The following BCAT2 variants were observed in gnomAD, a reference collection of about 807,000 sequenced individuals.
The protein encoded by BCAT2 is branched chain amino acid transaminase 2, also known as branched-chain-amino-acid aminotransferase, mitochondrial.
A neutral mutation model predicts 52.9 loss-of-function variants in BCAT2; 44 were observed. That is an observed-to-expected ratio of 0.83 (90% CI 0.65 to 1.07). The LOEUF (loss-of-function observed/expected upper bound fraction) is 1.07, where lower values mean the gene tolerates loss of function less well. Among genes scored for constraint, BCAT2 ranks in the 50% least tolerant of loss-of-function variants. BCAT2 has a pLI of 0.00. For missense variants in BCAT2, 478 were observed against 521.8 expected (o/e 0.92, Z 0.82); for synonymous variants, 215 against 217.1 (o/e 0.99, Z 0.08).
intron 3 of BCAT2, among the ~76,000 whole-genome samples, chr19:48,802,261 G>T (rs997168225): frequency 2.6e-5 from 4 of 152,068 alleles, no homozygotes; most frequent in African/African-American, 7.2e-5. Context: ...GTTGTCCAAG[G>T]TATGGAAACA....
At position 48,796,646 on chromosome 19, in the gene BCAT2, G is replaced by T. The variant is rs149621078; in HGVS notation, c.997C>A (p.Arg333=). The T allele has an allele frequency of 1.9e-6, 3 of 1,613,396 alleles. No individual in the cohort carries two copies. The highest frequency in any genetic ancestry group is 4.5e-5 in the East Asian group (2 of 44,864). ...GCGGTGCCCGAGCCAAAGACTTCCCGCACGCGGCCCTCCTCCAGGGCCCGC... is the reference window on the plus strand; with the variant it reads ...GCGGTGCCCGAGCCAAAGACTTCCCTCACGCGGCCCTCCTCCAGGGCCCGC... The part of the protein sequence containing the change: ...LLRALEEGRV[R]EVFGSGTACQ... The change falls in exon 9 of 11, where the codon CGG becomes AGG. Residue 333 remains arginine, a synonymous_variant. Transcript: ENST00000316273.
chr19:48,804,333 C>T (rs532006448), intron 3 of BCAT2, among the ~76,000 whole-genome samples: 1 of 152,106 alleles, frequency 6.6e-6, no homozygotes, highest in East Asian at 1.9e-4. Context: ...CACTTGAGGC[C>T]AGGAGTTCGA....
chr19:48,810,994 G>A lies in BCAT2; in HGVS notation c.14C>T (p.Ala5Val). The A allele has an allele frequency of 2.5e-6, 4 of 1,608,170 alleles. No homozygotes were observed. The highest frequency in any genetic ancestry group is 2.5e-6 in the Non-Finnish European group (3 of 1,178,122). Reference protein sequence around the residue: MAAAALGQIWARKLL... With the variant: MAAAVLGQIWARKLL... The stretch of plus-strand genomic sequence containing the variant: ...GGGCTGCGAACCCACCTGCCCCAGA[G>A]CGGCTGCGGCCATGATCCGTGCGGC... The change falls in exon 1 of 11, where the codon GCT becomes GTT. Residue 5 changes from alanine to valine, a missense_variant. By Grantham distance (64) the Ala-to-Val change is moderately conservative. Transcript: ENST00000316273.
In BCAT2 at chr19:48,810,840, G is replaced by C. The variant is rs1261647598; in HGVS notation, c.24+144C>G. ...AAAGCCTCGTGCTCCTTTCCAAAGG[G>C]CGCCATCCTCCTCCGCGCCCTGCAG... On this transcript the variant is annotated intron_variant, in intron 1 of 10. Transcript: ENST00000316273. 2.0e-6 allele frequency: 3 copies of C among 1,504,834 alleles called. No individual in the cohort carries two copies. The Middle Eastern group carries it at 6.2e-4, about 311-fold the overall frequency. 93.2% of individuals were successfully genotyped at this position (1,504,834 alleles called of 1,614,324 possible).
chr19:48,801,143 A>G (rs57976323), intron 3 of BCAT2, among the ~76,000 whole-genome samples: 3,869 of 150,842 alleles, frequency 0.026, 151 homozygotes, highest in African/African-American at 0.09. Context: ...GCCCACCACC[A>G]CGCCCAGCTA....
Position 48,806,565 on chromosome 19 carries a change from C to T in BCAT2, c.252G>A (p.Gln84=). Residue 84 remains glutamine (Q), a synonymous_variant, in exon 3 of 11, where the codon CAG becomes CAA. Transcript: ENST00000316273. The stretch of plus-strand genomic sequence containing the variant: ...AGGAGGCTGGGTGCAGCGTGAGGTT[C>T]TGGAAGGGCTGGATTCGGGGCTGGC... ...GWGQPRIQPF[Q]NLTLHPASSS... is the part of the protein sequence containing the mutation. 6.2e-7 allele frequency: 1 copy of T among 1,614,132 alleles called. No homozygotes were observed. Among genetic ancestry groups the T allele is most frequent in the Non-Finnish European group, 8.5e-7 (1 of 1,180,008 alleles).
chr19:48,806,487 G>C (rs968538707), intron 3 of BCAT2, 30 bp downstream of exon 3: 7 of 1,611,790 alleles, frequency 4.3e-6, no homozygotes, highest in Non-Finnish European at 5.9e-6. Context: ...TGCAGACAGG[G>C]ACAGGGAGAG....
rs565998426 is a variant in BCAT2, at chr19:48,799,193, C to G, written c.695+482G>C. On this transcript the variant is annotated intron_variant, in intron 6 of 10. Coordinates refer to ENST00000316273, the MANE Select transcript of BCAT2 (RefSeq NM_001190.4). The surrounding 1 kb of genome is among the most constrained non-coding windows in gnomAD (Gnocchi z 5.5). ...GTGCCCACCCTCTGCCTTGGTTGCC[C>G]AGGAGACCCAGCTGTCTCCTTCCTG... The G allele has an allele frequency of 6.5e-6, 1 of 153,964 alleles. No homozygotes were observed. The highest frequency in any genetic ancestry group is 2.4e-5 in the African/African-American group (1 of 41,634). 9.5% of individuals were successfully genotyped at this position (153,964 alleles called of 1,614,324 possible).
chr19:48,797,384 C>T, intron 6 of BCAT2, 51 bp from the exon 7 acceptor site: 1 of 1,604,388 alleles, frequency 6.2e-7, no homozygotes, highest in Non-Finnish European at 8.5e-7. Flanking sequence ...CATCCTTCCC[C>T]AGCCCAGCCC....
rs776259879 is a variant in BCAT2, at chr19:48,796,692, C to T, written c.951G>A (p.Thr317=). Residue 317 remains threonine (T), a synonymous_variant, in exon 9 of 11, where the codon ACG becomes ACA. Coordinates refer to ENST00000316273, the MANE Select transcript of BCAT2 (RefSeq NM_001190.4). Reference sequence around the variant, plus strand: ...CCCGCAGCAACTGCTTCATGGTGATCGTGCGCTCCACCACCCGGAACTCAC... The same window carrying T: ...CCCGCAGCAACTGCTTCATGGTGATTGTGCGCTCCACCACCCGGAACTCAC... ...TWGEFRVVER[T]ITMKQLLRAL... 1.2e-5 allele frequency: 19 copies of T among 1,612,850 alleles called. 1 individual carries two copies. In the South Asian group the frequency reaches 1.8e-4, roughly 15 times the overall value.
At chr19:48,810,574 T>C (rs917390544) in intron 1 of BCAT2, among the ~76,000 whole-genome samples, 9 of 151,730 alleles carry the variant, frequency 5.9e-5, no homozygotes, top group Non-Finnish European at 1.3e-4. Flanking sequence ...AGACTTGAGG[T>C]CCAACTCTGC....
intron 3 of BCAT2, among the ~76,000 whole-genome samples, chr19:48,802,352 A>G (rs1320957340): frequency 6.6e-6 from 1 of 151,200 alleles, no homozygotes; most frequent in African/African-American, 2.4e-5. Flanking sequence ...AAGCATACAT[A>G]TCCTTTGACC....
Position 48,807,970 on chromosome 19 carries a change from C to A in BCAT2, c.25-896G>T, listed in dbSNP as rs185932152. ...ACCTCACAAGGCCTCTTTCCCCAGCCCTGTGGGGAGGCGTTGGGGCGTGAG... is the reference window on the plus strand; with the variant it reads ...ACCTCACAAGGCCTCTTTCCCCAGCACTGTGGGGAGGCGTTGGGGCGTGAG... On this transcript the variant is annotated intron_variant, in intron 1 of 10. Transcript: ENST00000316273. This position sits in a 1 kb window ranked among gnomAD's most constrained non-coding sequence, Gnocchi z 4.6. 8.1e-6 allele frequency: 8 copies of A among 986,010 alleles called. No individual in the cohort carries two copies. In the African/African-American group the frequency reaches 1.2e-4, roughly 15 times the overall value. 61.1% of individuals were successfully genotyped at this position (986,010 alleles called of 1,614,324 possible).
At position 48,796,737 on chromosome 19, in the gene BCAT2, A is replaced by G. The variant is rs977061299; in HGVS notation, c.925-19T>C. On this transcript the variant is annotated intron_variant, in intron 8 of 10. Transcript: ENST00000316273. The stretch of plus-strand genomic sequence containing the variant: ...ACTCACCCTGCAGGGCAGTTGGCAG[A>G]GACACGTGTCCCCAGAGGGTTGCCC... 6.2e-7 allele frequency: 1 copy of G among 1,605,948 alleles called. No homozygotes were observed. Among genetic ancestry groups the G allele is most frequent in the Admixed American group, 1.7e-5 (1 of 59,696 alleles).
intron 1 of BCAT2, among the ~76,000 whole-genome samples, chr19:48,810,372 A>G (rs951579793): frequency 3.9e-5 from 6 of 152,204 alleles, no homozygotes; most frequent in African/African-American, 1.4e-4. Context: ...GCTGTTTGAC[A>G]TCGCACAGTC....
At chr19:48,795,569 C>T (rs1599790327) in intron 10 of BCAT2, 105 bp from the exon 11 acceptor site, 1 of 1,355,702 alleles carries the variant, frequency 7.4e-7, no homozygotes, top group African/African-American at 1.4e-5. Context: ...GCCCCAGCGG[C>T]TCACGGGAAA....
At chr19:48,801,053 T>C (rs1263099346) in intron 3 of BCAT2, among the ~76,000 whole-genome samples, 2 of 152,026 alleles carry the variant, frequency 1.3e-5, no homozygotes, top group African/African-American at 2.4e-5. Flanking sequence ...AGTGGCGTGA[T>C]CTCTGCTGAT....
intron 6 of BCAT2, chr19:48,798,791 AT>A (rs34719140): frequency 0.23 from 30,739 of 132,618 alleles, 3,402 homozygotes; most frequent in Middle Eastern, 0.27. Flanking sequence ...AGCCCGGCTA[AT>A]TTTTTTTTTT....
intron 10 of BCAT2, 54 bp from the exon 11 acceptor site, chr19:48,795,518 T>C: frequency 6.2e-7 from 1 of 1,602,990 alleles, no homozygotes; most frequent in Non-Finnish European, 8.5e-7. Context: ...CAACTCCCAG[T>C]AGGCCCTGGG....
Sources: allele counts gnomAD v4.1 joint callset (sites outside exome capture counted in the v4.1 genomes callset), GRCh38; gene constraint gnomAD v4.1.1; non-coding constraint Gnocchi (gnomAD v3.1); transcripts MANE v1.5; gene names NCBI Gene and HGNC (gene_info 2026-07-23, HGNC 2026-07-21).